Variants in AFF1 observed in about 807,000 individuals in gnomAD.
AFF1 encodes the protein ALF transcription elongation factor 1.
Under a neutral mutation model 121.7 loss-of-function variants are expected in AFF1, and 48 were observed. The observed-to-expected ratio is 0.39, with a 90% confidence interval of 0.31 to 0.50. The LOEUF (loss-of-function observed/expected upper bound fraction) is 0.50, where lower values mean the gene tolerates loss of function less well. Ranked by LOEUF, AFF1 falls within the 20% of genes least tolerant of loss-of-function variation. The pLI is 0.76. For missense variants in AFF1, 1,523 were observed against 1,511.7 expected, an observed-to-expected ratio of 1.01 and a Z score of -0.12; for synonymous variants, 613 against 563.0, an observed-to-expected ratio of 1.09 and a Z score of -1.26.
At chr4:87,007,535 A>T in intron 2 of AFF1, 1 of 1,416,126 alleles carries the variant, frequency 7.1e-7, no homozygotes. Flanking sequence ...CAGCTTTGTC[A>T]TTGCCTTCTC....
At chr4:86,949,091 A>G (rs1482029888) in intron 2 of AFF1, among the ~76,000 whole-genome samples, 1 of 152,092 alleles carries the variant, frequency 6.6e-6, no homozygotes, top group Non-Finnish European at 1.5e-5. Flanking sequence ...AGTTTTACAT[A>G]ATAACTCATT....
At chr4:87,051,273 T>G (rs1485572900) in intron 4 of AFF1, among the ~76,000 whole-genome samples, 2 of 152,204 alleles carry the variant, frequency 1.3e-5, no homozygotes, top group Non-Finnish European at 1.5e-5. Flanking sequence ...GTGAGATGTT[T>G]GTGTTTTTGA....
intron 2 of AFF1, among the ~76,000 whole-genome samples, chr4:87,025,175 A>G (rs968903516): frequency 1.3e-5 from 2 of 152,168 alleles, no homozygotes; most frequent in Non-Finnish European, 2.9e-5. Context: ...AGAATGCAGG[A>G]AGGGGCACCA....
At chr4:87,078,252 A>G (rs187103223) in intron 4 of AFF1, among the ~76,000 whole-genome samples, 116 of 152,304 alleles carry the variant, frequency 7.6e-4, no homozygotes, top group African/African-American at 2.6e-3. Context: ...ATGTTTATTT[A>G]CATGTAGTTT....
chr4:86,939,732 A>G (rs1462759840), intron 1 of AFF1, among the ~76,000 whole-genome samples: 1 of 152,248 alleles, frequency 6.6e-6, no homozygotes, highest in Non-Finnish European at 1.5e-5. Context: ...GCAGCCTGGC[A>G]GTAGTTCTCA....
At chr4:86,957,807 G>T (rs1721850450) in intron 2 of AFF1, among the ~76,000 whole-genome samples, 1 of 152,102 alleles carries the variant, frequency 6.6e-6, no homozygotes, top group Non-Finnish European at 1.5e-5. Flanking sequence ...CTCCCAAAGT[G>T]CTGGGATTAC....
rs11729439 is a variant in AFF1, at chr4:87,097,977, G to A, written c.1283+3008G>A. Among the ~76,000 whole-genome samples, 18 of 152,256 alleles carry A rather than the reference G, an allele frequency of 1.2e-4. No homozygotes were observed. In the South Asian group the frequency reaches 3.7e-3, roughly 32 times the overall value. ...TTTGAGTGGCACATAGAGTGCTGGG[G>A]AGATATTCTAATGCATTTTGAATAT... On this transcript the variant is annotated intron_variant, in intron 8 of 20. Coordinates refer to ENST00000395146, the MANE Select transcript of AFF1 (RefSeq NM_001166693.3).
rs571199356 is a variant in AFF1, at chr4:87,122,684, T to C, written c.2467-2353T>C. On this transcript the variant is annotated intron_variant, in intron 12 of 20. Transcript: ENST00000395146. ...GAGTAGCTGATATGTTTTTATCTTATCTAAGCAGTATATTTATAATTCCTT... is the reference window on the plus strand; with the variant it reads ...GAGTAGCTGATATGTTTTTATCTTACCTAAGCAGTATATTTATAATTCCTT... 1.1e-4 allele frequency among the ~76,000 whole-genome samples: 16 copies of C among 152,272 alleles called. No individual in the cohort carries two copies. The South Asian group carries it at 3.3e-3, about 32-fold the overall frequency.
rs1047964869 is a variant in AFF1, at chr4:87,140,647, A to G, written c.*4946A>G. The G allele has an allele frequency of 1.6e-5, 3 of 189,646 alleles. No homozygotes were observed. Among genetic ancestry groups the G allele is most frequent in the Non-Finnish European group, 2.2e-5 (2 of 90,014 alleles). The allele number at this position is 189,646 out of a possible 1,614,324, so 11.7% of individuals were successfully genotyped here. A position where few individuals can be genotyped will look rare whatever the true frequency, so the allele number is the denominator to read the frequency against. ...TTTAATTACTGTGGAATAACGTGCC[A>G]GCTATCATCAACACAATGATTTTGT... On this transcript the variant is annotated 3_prime_UTR_variant, in exon 21 of 21. Transcript: ENST00000395146.
At chr4:87,094,724 C>T (rs1724657301) in intron 7 of AFF1, among the ~76,000 whole-genome samples, 191 bp from the exon 8 acceptor site, 1 of 152,112 alleles carries the variant, frequency 6.6e-6, no homozygotes, top group Non-Finnish European at 1.5e-5. Context: ...TGTTTTTGGC[C>T]TATTGAGAGG....
chr4:87,117,826 A>G (rs898650848), intron 12 of AFF1, among the ~76,000 whole-genome samples: 2 of 146,774 alleles, frequency 1.4e-5, no homozygotes, highest in African/African-American at 4.9e-5. Flanking sequence ...TAATCTCATT[A>G]TTTTCTGTAG....
At chr4:87,019,622 A>T (rs1173182545) in intron 2 of AFF1, among the ~76,000 whole-genome samples, 1 of 152,212 alleles carries the variant, frequency 6.6e-6, no homozygotes, top group Non-Finnish European at 1.5e-5. Flanking sequence ...TGGATAGCTG[A>T]GCATGTGGAG....
chr4:87,064,320 A>G (rs1301095314), intron 4 of AFF1, among the ~76,000 whole-genome samples: 2 of 152,260 alleles, frequency 1.3e-5, no homozygotes, highest in Non-Finnish European at 1.5e-5. Context: ...AATCCAATAT[A>G]GAAGATAGGC....
rs1729632384 is a variant in AFF1 at position 87,140,491 on chromosome 4, ATT to A, written c.*4791_*4792del. On this transcript the variant is annotated 3_prime_UTR_variant, in exon 21 of 21. Transcript: ENST00000395146. Reference sequence around the variant, plus strand: ...ACCATTATATATTATATTATATTATATTATATATTTTTTGCTTTCTTATAACT... The same window carrying A: ...ACCATTATATATTATATTATATTATAATATATTTTTTGCTTTCTTATAACT... 3.6e-5 allele frequency: 6 copies of A among 167,790 alleles called. No homozygotes were observed. The East Asian group carries it at 5.7e-4, about 16-fold the overall frequency. The allele number at this position is 167,790 out of a possible 1,614,324, so 10.4% of individuals were successfully genotyped here.
rs1312807269 is a variant in AFF1, at chr4:87,137,256, A to G, written c.*1555A>G. 1 of 228,008 alleles carries G rather than the reference A, an allele frequency of 4.4e-6. No homozygotes were observed. Among genetic ancestry groups the G allele is most frequent in the South Asian group, 1.8e-4 (1 of 5,470 alleles). The allele number at this position is 228,008 out of a possible 1,614,324, so 14.1% of individuals were successfully genotyped here. On this transcript the variant is annotated 3_prime_UTR_variant, in exon 21 of 21. Transcript: ENST00000395146. ...CCTTTGTCCCATTCTGCCCCTGTAC[A>G]TGTTTCCTACCAAGCATGTTTCACA...
chr4:86,957,425 C>G (rs994631187), intron 2 of AFF1, among the ~76,000 whole-genome samples: 2 of 152,274 alleles, frequency 1.3e-5, no homozygotes, highest in African/African-American at 2.4e-5. Context: ...GTAAGGTATT[C>G]ATATCAGTAG....
intron 2 of AFF1, among the ~76,000 whole-genome samples, chr4:87,002,610 T>C (rs1200346194): frequency 6.6e-6 from 1 of 151,850 alleles, no homozygotes; most frequent in African/African-American, 2.4e-5. Flanking sequence ...GGTTTCACCA[T>C]GTTGGCCAGG....
intron 2 of AFF1, among the ~76,000 whole-genome samples, chr4:87,037,109 A>G (rs954509839): frequency 1.3e-5 from 2 of 152,156 alleles, no homozygotes; most frequent in Non-Finnish European, 2.9e-5. Flanking sequence ...TTACTGCAAA[A>G]ATGATTAACA....
intron 7 of AFF1, 86 bp downstream of exon 7, chr4:87,091,915 C>A: frequency 2.1e-6 from 2 of 961,806 alleles, no homozygotes; most frequent in South Asian, 1.6e-5. Flanking sequence ...AAAAAATGCC[C>A]CAGCAGAGAT....
Sources: gnomAD v4.1 joint callset for allele counts (sites outside exome capture counted in the v4.1 genomes callset) on GRCh38, gnomAD v4.1.1 for gene constraint, MANE v1.5 for transcripts, NCBI Gene and HGNC (gene_info 2026-07-23, HGNC 2026-07-21) for gene names.